Variants in NUBPL observed in about 807,000 individuals in gnomAD.
NUBPL encodes the protein iron-sulfur cluster transfer protein NUBPL.
In NUBPL, 31 loss-of-function variants were observed where a neutral mutation model predicts 45.7. The ratio of observed to expected loss-of-function variants is 0.68; its 90% CI spans 0.51 to 0.92. The LOEUF (loss-of-function observed/expected upper bound fraction) is 0.92. Among genes scored for constraint, NUBPL ranks in the 40% least tolerant of loss-of-function variants. The probability of loss-of-function intolerance (pLI) is 0.00; values close to 1 mark genes in which losing one functional copy is unlikely to be tolerated. For synonymous variants in NUBPL, 144 were observed against 140.9 expected (o/e 1.02, Z -0.15); for missense variants, 401 against 398.7 (o/e 1.01, Z -0.05).
Position 31,850,191 on chromosome 14 carries a change from A to C in NUBPL, c.887A>C (p.Glu296Ala), listed in dbSNP as rs1251394861. 1.2e-6 allele frequency: 2 copies of C among 1,613,068 alleles called. No homozygotes were observed. The highest frequency in any genetic ancestry group is 2.7e-5 in the African/African-American group (2 of 74,912). The change falls in exon 10 of 11, where the codon GAA (glutamate) becomes GCA (alanine). Residue 296 changes from glutamate to alanine, a missense_variant. Coordinates refer to ENST00000281081, the MANE Select transcript of NUBPL (RefSeq NM_025152.3). The stretch of plus-strand genomic sequence containing the variant: ...CAGCCAATTGTGTTTTCACAGCCTG[A>C]AAGTGATGAGGTAAGTTCCATTTTT... ...TGQPIVFSQPESDEAKAYLRI... is the reference protein window; with the variant it reads ...TGQPIVFSQPASDEAKAYLRI...
intron 6 of NUBPL, among the ~76,000 whole-genome samples, chr14:31,723,175 C>A (rs1207159380): frequency 1.3e-5 from 2 of 152,164 alleles, no homozygotes; most frequent in Non-Finnish European, 2.9e-5. Context: ...AGCCAGTTAT[C>A]CCAGCACTGT....
At chr14:31,575,683 G>A (rs769590578) in intron 3 of NUBPL, among the ~76,000 whole-genome samples, 2 of 152,086 alleles carry the variant, frequency 1.3e-5, no homozygotes, top group Non-Finnish European at 2.9e-5. Flanking sequence ...TACATGTGTT[G>A]TAAAGGGATT....
At chr14:31,673,265 A>T (rs558960451) in intron 4 of NUBPL, 90 bp from the exon 5 acceptor site, 167 of 1,149,446 alleles carry the variant, frequency 1.5e-4, no homozygotes, top group Non-Finnish European at 1.9e-4. Context: ...AATTAAAAAA[A>T]TTTTTAAAAA....
intron 3 of NUBPL, chr14:31,578,079 G>T: frequency 1.3e-6 from 1 of 766,116 alleles, no homozygotes; most frequent in Middle Eastern, 2.7e-4. Flanking sequence ...AGTTTTGAAT[G>T]CATTACTGGG....
At chr14:31,566,615 A>C (rs531216402) in intron 3 of NUBPL, among the ~76,000 whole-genome samples, 10 of 152,214 alleles carry the variant, frequency 6.6e-5, no homozygotes, top group African/African-American at 2.2e-4. Context: ...AAGTGTCCAC[A>C]TCCTAATTCC....
chr14:31,594,963 T>G (rs2139540145), intron 3 of NUBPL, among the ~76,000 whole-genome samples: 1 of 152,264 alleles, frequency 6.6e-6, no homozygotes, highest in Middle Eastern at 3.4e-3. Flanking sequence ...GGTGGGAACG[T>G]TCTAAGATGT....
chr14:31,601,902 G>A (rs2034444096), intron 4 of NUBPL, among the ~76,000 whole-genome samples: 1 of 152,140 alleles, frequency 6.6e-6, no homozygotes, highest in Admixed American at 6.5e-5. Context: ...TATACCCAAA[G>A]GACTATAAAT....
intron 4 of NUBPL, among the ~76,000 whole-genome samples, chr14:31,611,934 A>G (rs373767778): frequency 6.6e-6 from 1 of 152,230 alleles, no homozygotes; most frequent in South Asian, 2.1e-4. Context: ...AAATGGATGA[A>G]AAACTTTGAG....
chr14:31,748,282 G>T (rs1316323690), intron 6 of NUBPL, among the ~76,000 whole-genome samples: 1 of 152,196 alleles, frequency 6.6e-6, no homozygotes, highest in Non-Finnish European at 1.5e-5. Flanking sequence ...TGCAGCTGTT[G>T]AATGAAATGT....
At position 31,800,948 on chromosome 14, in the gene NUBPL, A is replaced by C. The variant is rs1023281324; in HGVS notation, c.607+13075A>C. The stretch of plus-strand genomic sequence containing the variant: ...TAATAAAACAAAGTTTAATGAAGCA[A>C]CTAGTTACAAAGGAGTGAGCAGCAT... On this transcript the variant is annotated intron_variant, in intron 7 of 10. Transcript: ENST00000281081. The C allele has an allele frequency of 3.3e-5, 5 of 152,220 alleles. No homozygotes were observed. The South Asian group carries it at 1.0e-3, about 32-fold the overall frequency. The allele number at this position is 152,220 out of a possible 1,614,324, so 9.4% of individuals were successfully genotyped here.
At chr14:31,725,401 A>G (rs1469525909) in intron 6 of NUBPL, among the ~76,000 whole-genome samples, 1 of 152,172 alleles carries the variant, frequency 6.6e-6, no homozygotes, top group Non-Finnish European at 1.5e-5. Context: ...CTTTTATCCA[A>G]AATGCTGCGT....
intron 7 of NUBPL, among the ~76,000 whole-genome samples, chr14:31,810,752 G>A (rs2039786617): frequency 1.3e-5 from 2 of 152,260 alleles, no homozygotes; most frequent in Middle Eastern, 3.4e-3. Context: ...GCAGTGGCTG[G>A]TACTTATTGT....
At chr14:31,716,857 G>C (rs2037700252) in intron 6 of NUBPL, among the ~76,000 whole-genome samples, 1 of 152,166 alleles carries the variant, frequency 6.6e-6, no homozygotes, top group African/African-American at 2.4e-5. Flanking sequence ...AAAATCCTGA[G>C]TGTCACCCTT....
At chr14:31,689,579 T>C (rs527285492) in intron 6 of NUBPL, among the ~76,000 whole-genome samples, 2 of 152,320 alleles carry the variant, frequency 1.3e-5, no homozygotes, top group Non-Finnish European at 2.9e-5. Context: ...GTCAGATGCA[T>C]AGTTTGTGAA....
At chr14:31,845,217 A>G (rs2040434222) in intron 8 of NUBPL, 1 of 152,202 alleles carries the variant, frequency 6.6e-6, no homozygotes, top group Non-Finnish European at 1.5e-5. Context: ...AGCTGTATCT[A>G]TTTTGTAGCA....
In NUBPL at chr14:31,813,793, A is replaced by T. The variant is rs146960220; in HGVS notation, c.608-12836A>T. On this transcript the variant is annotated intron_variant, in intron 7 of 10. Transcript: ENST00000281081. Reference sequence around the variant, plus strand: ...AAGTGAGAACATGTGGTGTTTGGTTATCTGTTCCTGTGTTAGTTTGCTGAA... The same window carrying T: ...AAGTGAGAACATGTGGTGTTTGGTTTTCTGTTCCTGTGTTAGTTTGCTGAA... Among the ~76,000 whole-genome samples, 386 of 152,158 alleles carry T rather than the reference A, an allele frequency of 2.5e-3. 3 individuals are homozygous for T. The highest frequency in any genetic ancestry group is 8.7e-3 in the African/African-American group (363 of 41,524).
At chr14:31,597,205 G>A (rs766056045) in intron 3 of NUBPL, among the ~76,000 whole-genome samples, 30 of 152,012 alleles carry the variant, frequency 2.0e-4, no homozygotes, top group Admixed American at 1.1e-3. Context: ...CTTAGAGTAC[G>A]TAGAGAGCCT....
chr14:31,602,862 G>C (rs2034481733), intron 4 of NUBPL, among the ~76,000 whole-genome samples: 1 of 151,894 alleles, frequency 6.6e-6, no homozygotes, highest in Non-Finnish European at 1.5e-5. Flanking sequence ...GTTTTAAAGT[G>C]TTAAAAAAAA....
intron 4 of NUBPL, among the ~76,000 whole-genome samples, chr14:31,641,497 C>G (rs1001466147): frequency 3.3e-5 from 5 of 152,122 alleles, no homozygotes; most frequent in Non-Finnish European, 5.9e-5. Flanking sequence ...TGTTATTGAA[C>G]ATGACAGGAT....
Sources: allele counts gnomAD v4.1 joint callset (sites outside exome capture counted in the v4.1 genomes callset), GRCh38; gene constraint gnomAD v4.1.1; transcripts MANE v1.5; gene names NCBI Gene and HGNC (gene_info 2026-07-23, HGNC 2026-07-21).